ADAMTS2: variants seen among roughly 807,000 people sequenced by gnomAD.
ADAMTS2 encodes the protein ADAM metallopeptidase with thrombospondin type 1 motif 2.
A neutral mutation model predicts 123.0 loss-of-function variants in ADAMTS2; 50 were observed. That is an observed-to-expected ratio of 0.41 (90% CI 0.32 to 0.51). ADAMTS2 has a LOEUF of 0.51. ADAMTS2 is among the 20% of genes least tolerant of loss of function. The pLI is 0.35. For missense variants in ADAMTS2, 1,494 were observed against 1,705.2 expected (o/e 0.88, Z 2.18); for synonymous variants, 678 against 695.4 (o/e 0.98, Z 0.39).
intron 3 of ADAMTS2, among the ~76,000 whole-genome samples, chr5:179,221,883 C>T (rs527921867): frequency 6.6e-6 from 1 of 152,178 alleles, no homozygotes; most frequent in Non-Finnish European, 1.5e-5. Flanking sequence ...TGCTCCAGCC[C>T]CCCATGGGGC....
At position 179,155,125 on chromosome 5, in the gene ADAMTS2, C is replaced by T. The variant is rs1210806258; in HGVS notation, c.1133-206G>A. Among the ~76,000 whole-genome samples, 2 of 152,232 alleles carry T rather than the reference C, an allele frequency of 1.3e-5. No individual in the cohort carries two copies. Among genetic ancestry groups the T allele is most frequent in the African/African-American group, 4.8e-5 (2 of 41,460 alleles). ...TCTGGCTGACAGCAGGCCCCCAGCC[C>T]GTCACCACACAAGCCCCGTGGCCGT... On this transcript the variant is annotated intron_variant, in intron 6 of 21. Transcript: ENST00000251582. The surrounding 1 kb of genome is among the most constrained non-coding windows in gnomAD (Gnocchi z 5.1).
At position 179,256,657 on chromosome 5, in the gene ADAMTS2, G is replaced by A. The variant is rs749217875; in HGVS notation, c.688+16254C>T. ...CAGCATGAGTGGGGGGGCCAGGCAC[G>A]AATCGGCAGGGAGGGAGGGGTTGTG... On this transcript the variant is annotated intron_variant, in intron 3 of 21. Transcript: ENST00000251582. This position sits in a 1 kb window ranked among gnomAD's most constrained non-coding sequence, Gnocchi z 4.1. Among the ~76,000 whole-genome samples the A allele has an allele frequency of 2.0e-5, 3 of 152,150 alleles. No homozygotes were observed. Among genetic ancestry groups the A allele is most frequent in the Admixed American group, 6.5e-5 (1 of 15,288 alleles).
chr5:179,174,868 A>T (rs1763899211), intron 5 of ADAMTS2, among the ~76,000 whole-genome samples: 2 of 69,488 alleles, frequency 2.9e-5, no homozygotes, highest in East Asian at 1.2e-3. Context: ...CTTTGGAGGA[A>T]GTCTCTTCCT....
chr5:179,227,592 C>G (rs1330141301), intron 3 of ADAMTS2, among the ~76,000 whole-genome samples: 1 of 152,090 alleles, frequency 6.6e-6, no homozygotes, highest in Admixed American at 6.5e-5. Context: ...GTGAGCAGGA[C>G]CAGCATCCCC....
intron 2 of ADAMTS2, among the ~76,000 whole-genome samples, chr5:179,321,532 C>T (rs1329129177): frequency 6.6e-6 from 1 of 152,074 alleles, no homozygotes; most frequent in Non-Finnish European, 1.5e-5. Context: ...GGTGGGCAGC[C>T]CCGCTCCTAA....
chr5:179,324,535 T>G (rs1340696022), intron 2 of ADAMTS2, among the ~76,000 whole-genome samples: 2 of 151,918 alleles, frequency 1.3e-5, no homozygotes, highest in Non-Finnish European at 2.9e-5. Context: ...GAACTACAGA[T>G]GCCCGCCACC....
chr5:179,345,174 G>T lies in ADAMTS2; in HGVS notation c.139+16C>A. On this transcript the variant is annotated intron_variant, in intron 1 of 21. Coordinates refer to ENST00000251582, the MANE Select transcript of ADAMTS2 (RefSeq NM_014244.5). This position sits in a 1 kb window ranked among gnomAD's most constrained non-coding sequence, Gnocchi z 7.5. ...CCGGCGGGGGTCCCGGGGAGTAGGG[G>T]CCGGGCCGCACCTACCTGGGGGGTC... The T allele has an allele frequency of 9.1e-7, 1 of 1,098,730 alleles. No individual in the cohort carries two copies. Among genetic ancestry groups the T allele is most frequent in the Non-Finnish European group, 1.1e-6 (1 of 906,232 alleles). The allele number at this position is 1,098,730 out of a possible 1,614,324, so 68.1% of individuals were successfully genotyped here. A position where few individuals can be genotyped will look rare whatever the true frequency, so the allele number is the denominator to read the frequency against.
At chr5:179,323,557 C>T (rs183813660) in intron 2 of ADAMTS2, among the ~76,000 whole-genome samples, 115 of 152,362 alleles carry the variant, frequency 7.5e-4, no homozygotes, top group African/African-American at 2.7e-3. Context: ...TTAACCTGGG[C>T]TCCATAAACT....
At chr5:179,244,401 T>C (rs6601022) in intron 3 of ADAMTS2, among the ~76,000 whole-genome samples, 8,130 of 152,252 alleles carry the variant, frequency 0.053, 755 homozygotes, top group African/African-American at 0.18. Context: ...CAAGAATCTT[T>C]CTCCAGCAGA....
intron 9 of ADAMTS2, 144 bp downstream of exon 9, chr5:179,153,347 G>A (rs1314799248): frequency 1.5e-6 from 2 of 1,290,336 alleles, no homozygotes; most frequent in Admixed American, 2.0e-5. Flanking sequence ...AGTGGTGGGT[G>A]CAGAGGGACA....
Position 179,154,056 on chromosome 5 carries a change from A to G in ADAMTS2, c.1375T>C (p.Tyr459His), listed in dbSNP as rs1330093880. ...SRCSQQELSRYLHSYDCLLDD... is the reference protein window; with the variant it reads ...SRCSQQELSRHLHSYDCLLDD... ...CACATGGGCAGTACTCACTGCAGGT[A>G]GCGGCTCAGCTCCTGCTGGCTGCAG... The change falls in exon 8 of 22, where the codon TAC (tyrosine) becomes CAC (histidine). Residue 459 changes from tyrosine (Y) to histidine (H), a missense_variant. Physicochemically the swap from Tyr to His is moderately conservative, Grantham distance 83. Coordinates refer to ENST00000251582, the MANE Select transcript of ADAMTS2 (RefSeq NM_014244.5). The G allele has an allele frequency of 4.4e-6, 7 of 1,602,588 alleles. No individual in the cohort carries two copies. The highest frequency in any genetic ancestry group is 5.9e-6 in the Non-Finnish European group (7 of 1,177,312).
intron 2 of ADAMTS2, among the ~76,000 whole-genome samples, chr5:179,309,114 G>C (rs1378547076): frequency 1.3e-5 from 2 of 152,224 alleles, no homozygotes; most frequent in African/African-American, 4.8e-5. Context: ...GGCCAGCTCA[G>C]CAGAGAGGCG....
At chr5:179,290,002 C>T (rs1756139613) in intron 2 of ADAMTS2, among the ~76,000 whole-genome samples, 1 of 152,226 alleles carries the variant, frequency 6.6e-6, no homozygotes, top group Admixed American at 6.5e-5. Context: ...GAGCCTGAAC[C>T]AGACAACCGA....
intron 9 of ADAMTS2, 88 bp downstream of exon 9, chr5:179,153,403 G>A: frequency 6.3e-7 from 1 of 1,584,028 alleles, no homozygotes. Flanking sequence ...CACTGGGCCG[G>A]TCCTCACACT....
intron 4 of ADAMTS2, among the ~76,000 whole-genome samples, chr5:179,206,434 C>T (rs914355959): frequency 2.0e-4 from 30 of 152,178 alleles, no homozygotes; most frequent in Admixed American, 3.3e-4. Context: ...GCCTCTAGCC[C>T]GGCCCCAGAG....
intron 3 of ADAMTS2, among the ~76,000 whole-genome samples, chr5:179,254,976 T>C (rs894769627): frequency 2.6e-5 from 4 of 151,720 alleles, no homozygotes; most frequent in African/African-American, 9.7e-5. Flanking sequence ...GATGAATGAG[T>C]GTGTAGATGA....
intron 2 of ADAMTS2, among the ~76,000 whole-genome samples, chr5:179,327,509 C>G (rs925950905): frequency 6.6e-6 from 1 of 152,184 alleles, no homozygotes; most frequent in African/African-American, 2.4e-5. Context: ...TAACAGACCA[C>G]GAGGGACTGA....
intron 2 of ADAMTS2, among the ~76,000 whole-genome samples, chr5:179,321,486 A>G (rs1757172855): frequency 6.6e-6 from 1 of 151,814 alleles, no homozygotes; most frequent in African/African-American, 2.4e-5. Context: ...CAATTCCCTG[A>G]ACCCCCTCCT....
At chr5:179,248,328 A>C in intron 3 of ADAMTS2, among the ~76,000 whole-genome samples, 1 of 152,146 alleles carries the variant, frequency 6.6e-6, no homozygotes, top group Non-Finnish European at 1.5e-5. Context: ...TTGAGGAATA[A>C]AGAATATGAC....
Sources: allele counts gnomAD v4.1 joint callset (sites outside exome capture counted in the v4.1 genomes callset), GRCh38; gene constraint gnomAD v4.1.1; non-coding constraint Gnocchi (gnomAD v3.1); transcripts MANE v1.5; gene names NCBI Gene and HGNC (gene_info 2026-07-23, HGNC 2026-07-21).